The following PSMD2 variants were observed in gnomAD, a reference collection of about 807,000 sequenced individuals.
PSMD2 encodes the protein proteasome 26S subunit ubiquitin receptor, non-ATPase 2.
A neutral mutation model predicts 101.5 loss-of-function variants in PSMD2; 8 were observed. That is an observed-to-expected ratio of 0.08 (90% CI 0.05 to 0.14). The LOEUF is 0.14. Ranked by LOEUF, PSMD2 falls within the 10% of genes least tolerant of loss-of-function variation. The probability of loss-of-function intolerance (pLI) is 1.00; values close to 1 mark genes in which losing one functional copy is unlikely to be tolerated. For synonymous variants in PSMD2, 418 were observed against 433.8 expected (o/e 0.96, Z 0.45); for missense variants, 784 against 1,147.4 (o/e 0.68, Z 4.58).
intron 3 of PSMD2, 111 bp from the exon 4 acceptor site, chr3:184,301,426 G>A (rs1335597387): frequency 7.5e-7 from 1 of 1,338,770 alleles, no homozygotes; most frequent in African/African-American, 1.5e-5. Flanking sequence ...CTAGTACAGA[G>A]ATTGGTATGT....
Position 184,299,414 on chromosome 3 carries a change from C to G in PSMD2, c.135+13C>G. 3.0e-6 allele frequency: 4 copies of G among 1,336,754 alleles called. No homozygotes were observed. The highest frequency in any genetic ancestry group is 3.8e-6 in the Non-Finnish European group (4 of 1,043,746). 82.8% of individuals were successfully genotyped at this position (1,336,754 alleles called of 1,614,324 possible). ...AGAACAGGAGCTGGTGAGGCGCGACCCCGAGAGTCGGCGAAGGAGGCTGCG... is the reference window on the plus strand; with the variant it reads ...AGAACAGGAGCTGGTGAGGCGCGACGCCGAGAGTCGGCGAAGGAGGCTGCG... On this transcript the variant is annotated intron_variant, in intron 1 of 20. Transcript: ENST00000310118.
chr3:184,304,000 T>C lies in PSMD2; in HGVS notation c.1377T>C (p.Cys459=). The part of the protein sequence containing the change: ...GIVNSGVRNE[C]DPALALLSDY... ...TGAACTCTGGGGTCCGGAATGAGTG[T>C]GACCCTGCTCTGGCACTGCTCTCAG... Residue 459 remains cysteine, a synonymous_variant, in exon 11 of 21, where the codon TGT becomes TGC. Coordinates refer to ENST00000310118, the MANE Select transcript of PSMD2 (RefSeq NM_002808.5). 6.2e-7 allele frequency: 1 copy of C among 1,614,246 alleles called. No individual in the cohort carries two copies. The highest frequency in any genetic ancestry group is 1.3e-5 in the African/African-American group (1 of 75,068).
rs775453502 is a variant in PSMD2 at position 184,308,055 on chromosome 3, G to C, written c.2425+39G>C. 5.6e-6 allele frequency: 9 copies of C among 1,609,856 alleles called. No homozygotes were observed. Among genetic ancestry groups the C allele is most frequent in the South Asian group, 1.1e-5 (1 of 90,952 alleles). ...AGAAATTTTATATCATAGCATGCAG[G>C]GCTCTGACTCCACCCTTTCCAGGGC... On this transcript the variant is annotated intron_variant, in intron 19 of 20. Coordinates refer to ENST00000310118, the MANE Select transcript of PSMD2 (RefSeq NM_002808.5). This position sits in a 1 kb window ranked among gnomAD's most constrained non-coding sequence, Gnocchi z 6.0.
intron 16 of PSMD2, 40 bp downstream of exon 16, chr3:184,306,874 G>C: frequency 1.3e-6 from 2 of 1,548,172 alleles, no homozygotes; most frequent in Non-Finnish European, 1.8e-6. Flanking sequence ...TACTGGTTTT[G>C]ATGGCCTGGG....
At chr3:184,300,564 C>T in intron 3 of PSMD2, 120 bp downstream of exon 3, 6 of 1,458,402 alleles carry the variant, frequency 4.1e-6, no homozygotes, top group Non-Finnish European at 5.4e-6. Context: ...TCTATTTGAG[C>T]AGAGTTCATC....
rs762974087 is a variant in PSMD2 at position 184,304,872 on chromosome 3, A to C, written c.1539+481A>C. Reference sequence around the variant, plus strand: ...GCCACTGCACTCCAGTCTGGGTTACAGAGTGAGACCCTGTCTTTAAAAGAA... The same window carrying C: ...GCCACTGCACTCCAGTCTGGGTTACCGAGTGAGACCCTGTCTTTAAAAGAA... On this transcript the variant is annotated intron_variant, in intron 12 of 20. Coordinates refer to ENST00000310118, the MANE Select transcript of PSMD2 (RefSeq NM_002808.5). This position sits in a 1 kb window ranked among gnomAD's most constrained non-coding sequence, Gnocchi z 4.1. Among the ~76,000 whole-genome samples, 1 of 152,098 alleles carries C rather than the reference A, an allele frequency of 6.6e-6. No homozygotes were observed.
At position 184,299,844 on chromosome 3, in the gene PSMD2, C is replaced by A; in HGVS notation, c.136-7C>A. On this transcript the variant is annotated splice_polypyrimidine_tract_variant and splice_region_variant and intron_variant, in intron 1 of 20. Transcript: ENST00000310118. ...CTCTTCATGAGCTGCTTCTCCCAAC[C>A]CTCCAGTCTGAAGAGGATAAACAGC... 1.2e-6 allele frequency: 2 copies of A among 1,612,100 alleles called. No homozygotes were observed. The highest frequency in any genetic ancestry group is 1.7e-6 in the Non-Finnish European group (2 of 1,178,200).
intron 13 of PSMD2, 28 bp downstream of exon 13, chr3:184,305,958 G>A: frequency 6.2e-7 from 1 of 1,613,920 alleles, no homozygotes; most frequent in Non-Finnish European, 8.5e-7. Flanking sequence ...TTTGGGCAAA[G>A]AGCTGACAGT....
In PSMD2 at chr3:184,306,046, T is replaced by C. The variant is rs767857964; in HGVS notation, c.1703-8T>C. 1.9e-6 allele frequency: 3 copies of C among 1,614,078 alleles called. No individual in the cohort carries two copies. Among genetic ancestry groups the C allele is most frequent in the African/African-American group, 2.7e-5 (2 of 74,922 alleles). On this transcript the variant is annotated splice_polypyrimidine_tract_variant and splice_region_variant and intron_variant, in intron 13 of 20. Coordinates refer to ENST00000310118, the MANE Select transcript of PSMD2 (RefSeq NM_002808.5). ...AGTATCCTCTGACCCCTTGAATCTG[T>C]CCTGTAGGGAAGGGTGAGGCCATCG...
rs781306544 is a variant in PSMD2 at position 184,306,786 on chromosome 3, G to T, written c.1986G>T (p.Met662Ile). The T allele has an allele frequency of 8.7e-6, 14 of 1,614,038 alleles. No homozygotes were observed. The East Asian group carries it at 1.1e-4, about 13-fold the overall frequency. The change falls in exon 16 of 21, where the codon ATG becomes ATT. Residue 662 changes from methionine to isoleucine, a missense_variant. By Grantham distance (10) the Met-to-Ile change is conservative. Transcript: ENST00000310118. The part of the protein sequence containing the change: ...VAVLGIALIA[M>I]GEEIGAEMAL... ...TTCTGGGGATTGCCCTTATTGCTATGGGGGAGGAGATTGGTGCAGAGATGG... is the reference window on the plus strand; with the variant it reads ...TTCTGGGGATTGCCCTTATTGCTATTGGGGAGGAGATTGGTGCAGAGATGG...
In PSMD2 at chr3:184,301,522, CTCTTT is replaced by C. The variant is rs1346130487; in HGVS notation, c.358-9_358-5del. ...GACTGCTGGGTTTGACTTCAAAGAA[CTCTTT>C]TCTTTATAGCGTTTTGCTGCTGACA... On this transcript the variant is annotated splice_polypyrimidine_tract_variant and intron_variant, in intron 3 of 20. Coordinates refer to ENST00000310118, the MANE Select transcript of PSMD2 (RefSeq NM_002808.5). The C allele has an allele frequency of 2.5e-6, 4 of 1,612,656 alleles. No individual in the cohort carries two copies. The South Asian group carries it at 3.3e-5, about 13-fold the overall frequency.
rs758139905 is a variant in PSMD2, at chr3:184,308,536, G to T, written c.2513G>T (p.Arg838Leu). ...RMLVTFDEEL[R>L]PLPVSVRVGQ... ...CTGGTTACGTTTGATGAGGAGCTGC[G>T]GCCATTGCCAGTGTCTGTCCGTGTG... The change falls in exon 20 of 21, where the codon CGG (arginine) becomes CTG (leucine). Residue 838 changes from arginine to leucine, a missense_variant. By Grantham distance (102) the Arg-to-Leu change is moderately radical. Around this residue, in one of 6 missense-constraint regions of PSMD2, gnomAD observed 28 missense variants for 80.8 expected, o/e 0.35. Coordinates refer to ENST00000310118, the MANE Select transcript of PSMD2 (RefSeq NM_002808.5). This position sits in a 1 kb window ranked among gnomAD's most constrained non-coding sequence, Gnocchi z 6.0. The T allele has an allele frequency of 6.2e-7, 1 of 1,613,670 alleles. No homozygotes were observed. Among genetic ancestry groups the T allele is most frequent in the East Asian group, 2.2e-5 (1 of 44,904 alleles).
chr3:184,302,581 A>G (rs1721682293), intron 6 of PSMD2, 53 bp downstream of exon 6: 7 of 1,611,632 alleles, frequency 4.3e-6, no homozygotes, highest in Non-Finnish European at 5.9e-6. Context: ...GGACACTTGC[A>G]TAAAGAGCTG....
At position 184,299,332 on chromosome 3, in the gene PSMD2, C is replaced by A; in HGVS notation, c.66C>A (p.Gly22=). The part of the protein sequence containing the change: ...QPQQSPAAAP[G]GTDEKPSGKE... ...AGCAGTCTCCAGCGGCGGCCCCCGG[C>A]GGCACGGACGAGAAGCCGAGCGGCA... Residue 22 remains glycine, a synonymous_variant, in exon 1 of 21, where the codon GGC becomes GGA. Coordinates refer to ENST00000310118, the MANE Select transcript of PSMD2 (RefSeq NM_002808.5). The A allele has an allele frequency of 7.1e-7, 1 of 1,408,004 alleles. No individual in the cohort carries two copies. Among genetic ancestry groups the A allele is most frequent in the South Asian group, 1.5e-5 (1 of 68,564 alleles). The allele number at this position is 1,408,004 out of a possible 1,614,324, so 87.2% of individuals were successfully genotyped here.
rs1190723597 is a variant in PSMD2, at chr3:184,301,549, G to A, written c.370G>A (p.Asp124Asn). The A allele has an allele frequency of 6.2e-7, 1 of 1,613,816 alleles. No homozygotes were observed. Among genetic ancestry groups the A allele is most frequent in the Non-Finnish European group, 8.5e-7 (1 of 1,179,906 alleles). Residue 124 changes from aspartate to asparagine, a missense_variant, in exon 4 of 21, where the codon GAC becomes AAC. Coordinates refer to ENST00000310118, the MANE Select transcript of PSMD2 (RefSeq NM_002808.5). ...APGENKRFAA[D>N]IISVLAMTMS... is the part of the protein sequence containing the mutation. ...CTTTTCTTTATAGCGTTTTGCTGCT[G>A]ACATCATCTCCGTTTTGGCCATGAC...
chr3:184,301,455 G>A lies in PSMD2; in HGVS notation c.358-82G>A, dbSNP rs575559846. 27 of 1,533,172 alleles carry A rather than the reference G, an allele frequency of 1.8e-5. No individual in the cohort carries two copies. The East Asian group carries it at 4.5e-4, about 26-fold the overall frequency. The allele number at this position is 1,533,172 out of a possible 1,614,324, so 95.0% of individuals were successfully genotyped here. A position where few individuals can be genotyped will look rare whatever the true frequency, so the allele number is the denominator to read the frequency against. On this transcript the variant is annotated intron_variant, in intron 3 of 20. Coordinates refer to ENST00000310118, the MANE Select transcript of PSMD2 (RefSeq NM_002808.5). Reference sequence around the variant, plus strand: ...GGTATGTAGTTAGTTCAGTTTCGGAGACAATGATCTTGATTCCACAATGCA... The same window carrying A: ...GGTATGTAGTTAGTTCAGTTTCGGAAACAATGATCTTGATTCCACAATGCA...
At position 184,304,857 on chromosome 3, in the gene PSMD2, T is replaced by A. The variant is rs1437263275; in HGVS notation, c.1539+466T>A. 6.6e-6 allele frequency among the ~76,000 whole-genome samples: 1 copy of A among 152,034 alleles called. No individual in the cohort carries two copies. The highest frequency in any genetic ancestry group is 6.5e-5 in the Admixed American group (1 of 15,274). ...GTGAGCTGAGATCGCGCCACTGCAC[T>A]CCAGTCTGGGTTACAGAGTGAGACC... On this transcript the variant is annotated intron_variant, in intron 12 of 20. Transcript: ENST00000310118. This position sits in a 1 kb window ranked among gnomAD's most constrained non-coding sequence, Gnocchi z 4.1.
At position 184,299,254 on chromosome 3, in the gene PSMD2, A is replaced by C; in HGVS notation, c.-13A>C. The stretch of plus-strand genomic sequence containing the variant: ...GCGGGTGCGCGCGCAGCGGGCCGGC[A>C]GTGGCGGCGGAGATGGAGGAGGGAG... On this transcript the variant is annotated 5_prime_UTR_variant, in exon 1 of 21. Transcript: ENST00000310118. 7.5e-7 allele frequency: 1 copy of C among 1,329,362 alleles called. No homozygotes were observed. The highest frequency in any genetic ancestry group is 9.6e-7 in the Non-Finnish European group (1 of 1,041,462). The allele number at this position is 1,329,362 out of a possible 1,614,324, so 82.3% of individuals were successfully genotyped here. A position where few individuals can be genotyped will look rare whatever the true frequency, so the allele number is the denominator to read the frequency against.
chr3:184,307,007 C>T (rs529162841), intron 16 of PSMD2, among the ~76,000 whole-genome samples, 173 bp downstream of exon 16: 4 of 152,104 alleles, frequency 2.6e-5, no homozygotes, highest in African/African-American at 4.8e-5. Flanking sequence ...TGCAATGGCA[C>T]GGTCTTGGCC....
Sources: allele counts gnomAD v4.1 joint callset (sites outside exome capture counted in the v4.1 genomes callset), GRCh38; gene constraint gnomAD v4.1.1; regional missense constraint gnomAD v4.1.1; non-coding constraint Gnocchi (gnomAD v3.1); transcripts MANE v1.5; gene names NCBI Gene and HGNC (gene_info 2026-07-23, HGNC 2026-07-21).